Variants in KCNIP2 observed in about 807,000 individuals in gnomAD.
The protein encoded by KCNIP2 is A-type potassium channel modulatory protein KCNIP2.
Under a neutral mutation model 39.0 loss-of-function variants are expected in KCNIP2, and 19 were observed. The ratio of observed to expected loss-of-function variants is 0.49; its 90% CI spans 0.34 to 0.71. The LOEUF is 0.71. Among genes scored for constraint, KCNIP2 ranks in the 30% least tolerant of loss-of-function variants. The pLI, the probability that KCNIP2 is intolerant of heterozygous loss-of-function variation, is 0.01. For missense variants in KCNIP2, 261 were observed against 346.0 expected (o/e 0.75, Z 1.95); for synonymous variants, 111 against 131.2 (o/e 0.85, Z 1.05).
At chr10:101,837,437 G>T (rs909619988) in intron 1 of KCNIP2, among the ~76,000 whole-genome samples, 1 of 152,156 alleles carries the variant, frequency 6.6e-6, no homozygotes, top group African/African-American at 2.4e-5. Context: ...TTGGGAGGCC[G>T]AGGCGGGTGG....
At chr10:101,827,604 T>C (rs1439688374) in intron 9 of KCNIP2, 85 bp downstream of exon 9, 23 of 1,457,494 alleles carry the variant, frequency 1.6e-5, no homozygotes, top group Non-Finnish European at 2.2e-5. Context: ...GGGAAGGTGG[T>C]ATTCTTCCCA....
At chr10:101,833,557 G>T (rs1201148284) in intron 1 of KCNIP2, among the ~76,000 whole-genome samples, 1 of 152,038 alleles carries the variant, frequency 6.6e-6, no homozygotes, top group Non-Finnish European at 1.5e-5. Context: ...ATATCCTCAG[G>T]AAATTCTGGA....
rs374027418 is a variant in KCNIP2 at position 101,828,022 on chromosome 10, T to A, written c.598-29A>T. On this transcript the variant is annotated intron_variant, in intron 7 of 9. Coordinates refer to ENST00000356640, the MANE Select transcript of KCNIP2 (RefSeq NM_173191.3). This position sits in a 1 kb window ranked among gnomAD's most constrained non-coding sequence, Gnocchi z 6.6. ...TTAGGCCAAGAGAGAAGAGGATCCT[T>A]CCTCAGAGCCTCCAGCCTCCCTTGA... 2.5e-6 allele frequency: 4 copies of A among 1,588,920 alleles called. No individual in the cohort carries two copies. In the African/African-American group the frequency reaches 4.0e-5, roughly 16 times the overall value.
intron 1 of KCNIP2, among the ~76,000 whole-genome samples, chr10:101,836,520 G>C (rs1017578472): frequency 6.6e-6 from 1 of 152,092 alleles, no homozygotes; most frequent in African/African-American, 2.4e-5. Context: ...CCAGGCGTGT[G>C]CCACCGCGTC....
At position 101,827,338 on chromosome 10, in the gene KCNIP2, C is replaced by T. The variant is rs994791089; in HGVS notation, c.*15G>A. The T allele has an allele frequency of 6.3e-7, 1 of 1,595,214 alleles. No homozygotes were observed. Among genetic ancestry groups the T allele is most frequent in the Non-Finnish European group, 8.6e-7 (1 of 1,167,276 alleles). The stretch of plus-strand genomic sequence containing the variant: ...CATGGTCCCCCCAGGAAACACTGAC[C>T]CCCTCTCCTGGGGGCTAGATGACAT... On this transcript the variant is annotated 3_prime_UTR_variant, in exon 10 of 10. Transcript: ENST00000356640.
chr10:101,828,546 G>A lies in KCNIP2; in HGVS notation c.418+81C>T. ...GCTCCCCATACCCCCCATCACCTTGGCATTCCCAGCTCCTCCAGAATCCCT... is the reference window on the plus strand; with the variant it reads ...GCTCCCCATACCCCCCATCACCTTGACATTCCCAGCTCCTCCAGAATCCCT... On this transcript the variant is annotated intron_variant, in intron 5 of 9. Coordinates refer to ENST00000356640, the MANE Select transcript of KCNIP2 (RefSeq NM_173191.3). The surrounding 1 kb of genome is among the most constrained non-coding windows in gnomAD (Gnocchi z 6.6). The A allele has an allele frequency of 6.3e-7, 1 of 1,596,488 alleles. No homozygotes were observed.
Position 101,827,808 on chromosome 10 carries a change from A to G in KCNIP2, c.703-57T>C, listed in dbSNP as rs2065795876. 4.5e-6 allele frequency: 7 copies of G among 1,542,984 alleles called. No homozygotes were observed. In the South Asian group the frequency reaches 6.7e-5, roughly 15 times the overall value. ...GAGGGATGGCAAGAGAGAGGCAGAC[A>G]GAAGTCAGGTGAGTTCCCTGCTGGT... On this transcript the variant is annotated intron_variant, in intron 8 of 9. Transcript: ENST00000356640.
chr10:101,839,682 C>A, intron 1 of KCNIP2: 1 of 1,407,742 alleles, frequency 7.1e-7, no homozygotes, highest in South Asian at 1.2e-5. Context: ...CTCCCTACCT[C>A]TGCGGAGCTC....
chr10:101,827,960 T>C lies in KCNIP2; in HGVS notation c.631A>G (p.Met211Val). ...MLDIMKSIYDMMGKYTYPALR... is the reference protein window; with the variant it reads ...MLDIMKSIYDVMGKYTYPALR... ...GCAGGGTACGTGTACTTGCCCATCA[T>C]GTCATAGATGGACTTCATGATGTCA... Residue 211 changes from methionine to valine, a missense_variant, in exon 8 of 10, where the codon ATG becomes GTG. Met to Val is a conservative substitution (Grantham distance 21). Transcript: ENST00000356640. 2 of 1,613,956 alleles carry C rather than the reference T, an allele frequency of 1.2e-6. No homozygotes were observed. Among genetic ancestry groups the C allele is most frequent in the Non-Finnish European group, 1.7e-6 (2 of 1,179,794 alleles).
In KCNIP2 at chr10:101,828,754, C is replaced by T. The variant is rs183648042; in HGVS notation, c.349-58G>A. The T allele has an allele frequency of 2.2e-5, 36 of 1,613,380 alleles. No homozygotes were observed. In the East Asian group the frequency reaches 7.8e-4, roughly 35 times the overall value. ...GACAAAATCCCCTTCCGTTCACCGC[C>T]CCCACCCTCCATGGCCCAAGACTCC... is the stretch of plus-strand genomic sequence containing the variant. On this transcript the variant is annotated intron_variant, in intron 4 of 9. Transcript: ENST00000356640. This position sits in a 1 kb window ranked among gnomAD's most constrained non-coding sequence, Gnocchi z 6.6.
At chr10:101,836,322 G>GGCTAAAGT in intron 1 of KCNIP2, among the ~76,000 whole-genome samples, 1 of 138,032 alleles carries the variant, frequency 7.2e-6, no homozygotes. Context: ...CTATCACCCA[G>GGCTAAAGT]GCTAAAGTGC....
rs893978015 is a variant in KCNIP2 at position 101,830,973 on chromosome 10, C to A, written c.169+99G>T. The A allele has an allele frequency of 2.9e-5, 31 of 1,085,738 alleles. No individual in the cohort carries two copies. In the Admixed American group the frequency reaches 4.7e-4, roughly 17 times the overall value. 67.3% of individuals were successfully genotyped at this position (1,085,738 alleles called of 1,614,324 possible). A position where few individuals can be genotyped will look rare whatever the true frequency, so the allele number is the denominator to read the frequency against. ...CCCACACATGCAGGCCTGGAGCATG[C>A]GCACACTCGCAGGCCTGGGGCACAC... On this transcript the variant is annotated intron_variant, in intron 2 of 9. Transcript: ENST00000356640.
Sources: gnomAD v4.1 joint callset for allele counts (sites outside exome capture counted in the v4.1 genomes callset) on GRCh38, gnomAD v4.1.1 for gene constraint, Gnocchi (gnomAD v3.1) non-coding constraint, MANE v1.5 for transcripts, NCBI Gene and HGNC (gene_info 2026-07-23, HGNC 2026-07-21) for gene names.